The following NXPH2 variants were observed in gnomAD, a reference collection of about 807,000 sequenced individuals.
NXPH2 encodes neurexophilin 2, also known as neurexophilin-2.
In NXPH2, 5 loss-of-function variants were observed where a neutral mutation model predicts 19.8. That is an observed-to-expected ratio of 0.25 (90% CI 0.13 to 0.53). The LOEUF (loss-of-function observed/expected upper bound fraction) is 0.53. NXPH2 is among the 20% of genes least tolerant of loss of function. The pLI is 0.96. For missense variants in NXPH2, 289 were observed against 322.8 expected, an observed-to-expected ratio of 0.90 and a Z score of 0.80; for synonymous variants, 154 against 127.4, an observed-to-expected ratio of 1.21 and a Z score of -1.41.
At chr2:138,687,005 A>G (rs1205142768) in intron 1 of NXPH2, among the ~76,000 whole-genome samples, 1 of 152,196 alleles carries the variant, frequency 6.6e-6, no homozygotes. Flanking sequence ...TAGTGCCGCA[A>G]TAAACATATG....
In NXPH2 at chr2:138,670,785, A is replaced by T; in HGVS notation, c.*137T>A. ...TAAAGATGTCTCTTTTTCTTTTTTTAAATTTGAAAACCTGATAGGGAACTA... is the reference window on the plus strand; with the variant it reads ...TAAAGATGTCTCTTTTTCTTTTTTTTAATTTGAAAACCTGATAGGGAACTA... On this transcript the variant is annotated 3_prime_UTR_variant, in exon 2 of 2. Coordinates refer to ENST00000272641, the MANE Select transcript of NXPH2 (RefSeq NM_007226.3). 5.5e-6 allele frequency: 5 copies of T among 907,336 alleles called. No homozygotes were observed. The highest frequency in any genetic ancestry group is 3.4e-5 in the African/African-American group (2 of 59,468). The allele number at this position is 907,336 out of a possible 1,614,324, so 56.2% of individuals were successfully genotyped here.
intron 1 of NXPH2, among the ~76,000 whole-genome samples, chr2:138,693,422 GA>G (rs2104977380): frequency 6.6e-6 from 1 of 152,212 alleles, no homozygotes; most frequent in African/African-American, 2.4e-5. Context: ...CAGAATTAGC[GA>G]TTAACTTCTG....
intron 1 of NXPH2, among the ~76,000 whole-genome samples, chr2:138,757,379 C>T (rs879321337): frequency 1.3e-5 from 2 of 152,128 alleles, no homozygotes; most frequent in Admixed American, 1.3e-4. Context: ...AGCAGCAGGC[C>T]TATAATGATT....
intron 1 of NXPH2, among the ~76,000 whole-genome samples, chr2:138,718,115 G>A (rs1681220194): frequency 6.6e-6 from 1 of 152,018 alleles, no homozygotes; most frequent in South Asian, 2.1e-4. Flanking sequence ...AAAGAGGATG[G>A]AGGAGAGAAT....
intron 1 of NXPH2, among the ~76,000 whole-genome samples, chr2:138,686,833 G>C (rs1407398996): frequency 1.3e-5 from 2 of 152,090 alleles, no homozygotes; most frequent in East Asian, 3.9e-4. Flanking sequence ...ATAGTGTGCT[G>C]AGAATGATGG....
intron 1 of NXPH2, among the ~76,000 whole-genome samples, chr2:138,701,689 A>G (rs569332734): frequency 6.6e-6 from 1 of 152,188 alleles, no homozygotes; most frequent in South Asian, 2.1e-4. Context: ...TCATTATATG[A>G]TGTTGCTTTT....
At chr2:138,737,417 T>C (rs1681567342) in intron 1 of NXPH2, among the ~76,000 whole-genome samples, 1 of 152,194 alleles carries the variant, frequency 6.6e-6, no homozygotes, top group South Asian at 2.1e-4. Context: ...ACTTATTCAC[T>C]ATCATGAGAA....
At chr2:138,743,158 G>T (rs1573974398) in intron 1 of NXPH2, among the ~76,000 whole-genome samples, 1 of 152,072 alleles carries the variant, frequency 6.6e-6, no homozygotes, top group East Asian at 1.9e-4. Flanking sequence ...TTGTAACAAA[G>T]GCAGTTAGCC....
intron 1 of NXPH2, among the ~76,000 whole-genome samples, chr2:138,733,753 T>A (rs1284501577): frequency 6.6e-6 from 1 of 152,192 alleles, no homozygotes; most frequent in Admixed American, 6.5e-5. Flanking sequence ...GGGCTCAGAC[T>A]CCATCCTGAT....
chr2:138,701,053 A>G (rs370355120), intron 1 of NXPH2, among the ~76,000 whole-genome samples: 255 of 152,288 alleles, frequency 1.7e-3, no homozygotes, highest in African/African-American at 5.5e-3. Context: ...ACTATTCATG[A>G]TAATACCTTC....
intron 1 of NXPH2, among the ~76,000 whole-genome samples, chr2:138,717,098 C>A (rs1467714029): frequency 1.3e-5 from 2 of 152,048 alleles, no homozygotes; most frequent in African/African-American, 2.4e-5. Flanking sequence ...TAACAATGAT[C>A]CATCACACAA....
At chr2:138,754,617 C>A (rs1203668711) in intron 1 of NXPH2, among the ~76,000 whole-genome samples, 1 of 152,066 alleles carries the variant, frequency 6.6e-6, no homozygotes, top group Non-Finnish European at 1.5e-5. Context: ...GCTTCCAGTT[C>A]TTTGTAATTA....
At chr2:138,721,096 C>T (rs1681272160) in intron 1 of NXPH2, among the ~76,000 whole-genome samples, 1 of 152,152 alleles carries the variant, frequency 6.6e-6, no homozygotes, top group Non-Finnish European at 1.5e-5. Context: ...AATCCCAGCA[C>T]TTTGGGAGGC....
chr2:138,770,850 G>A (rs1161278955), intron 1 of NXPH2, among the ~76,000 whole-genome samples: 1 of 151,864 alleles, frequency 6.6e-6, no homozygotes, highest in African/African-American at 2.4e-5. Flanking sequence ...ACTTAAAAAG[G>A]CAATTCACAA....
At chr2:138,685,548 C>CAT (rs1303132407) in intron 1 of NXPH2, among the ~76,000 whole-genome samples, 1 of 152,216 alleles carries the variant, frequency 6.6e-6, no homozygotes, top group Non-Finnish European at 1.5e-5. Flanking sequence ...GCTTAACCTA[C>CAT]TGATCGTCAT....
rs567489749 is a variant in NXPH2 at position 138,704,849 on chromosome 2, A to C, written c.52-33184T>G. Among the ~76,000 whole-genome samples the C allele has an allele frequency of 1.8e-3, 249 of 136,614 alleles. 1 individual carries two copies. Among genetic ancestry groups the C allele is most frequent in the African/African-American group, 6.7e-3 (241 of 35,762 alleles). The allele number at this position is 136,614 out of a possible 152,430, so 89.6% of individuals were successfully genotyped here. A position where few individuals can be genotyped will look rare whatever the true frequency, so the allele number is the denominator to read the frequency against. ...TTTTTTTTTTTTTTTTTTGAGATGG[A>C]GTTTCATTCTTGTCACTCAGGCTGG... On this transcript the variant is annotated intron_variant, in intron 1 of 1. Coordinates refer to ENST00000272641, the MANE Select transcript of NXPH2 (RefSeq NM_007226.3).
At chr2:138,742,741 A>C (rs1681664797) in intron 1 of NXPH2, among the ~76,000 whole-genome samples, 1 of 152,190 alleles carries the variant, frequency 6.6e-6, no homozygotes, top group Non-Finnish European at 1.5e-5. Context: ...GATGAACCCA[A>C]ATAAAAAGAA....
chr2:138,753,810 T>C (rs758293675), intron 1 of NXPH2, among the ~76,000 whole-genome samples: 3 of 152,182 alleles, frequency 2.0e-5, no homozygotes, highest in Non-Finnish European at 4.4e-5. Context: ...CCAGTATTCA[T>C]GTATTGTGAC....
In NXPH2 at chr2:138,670,783, T is replaced by A. The variant is rs569156453; in HGVS notation, c.*139A>T. ...CTTAAAGATGTCTCTTTTTCTTTTT[T>A]TAAATTTGAAAACCTGATAGGGAAC... On this transcript the variant is annotated 3_prime_UTR_variant, in exon 2 of 2. Transcript: ENST00000272641. 6 of 898,342 alleles carry A rather than the reference T, an allele frequency of 6.7e-6. No homozygotes were observed. The highest frequency in any genetic ancestry group is 9.5e-6 in the Non-Finnish European group (6 of 631,828). 55.6% of individuals were successfully genotyped at this position (898,342 alleles called of 1,614,324 possible). A position where few individuals can be genotyped will look rare whatever the true frequency, so the allele number is the denominator to read the frequency against.
Sources: gnomAD v4.1 joint callset for allele counts (sites outside exome capture counted in the v4.1 genomes callset) on GRCh38, gnomAD v4.1.1 for gene constraint, MANE v1.5 for transcripts, NCBI Gene and HGNC (gene_info 2026-07-23, HGNC 2026-07-21) for gene names.